LPP: variants seen among roughly 807,000 people sequenced by gnomAD.
LPP encodes lipoma-preferred partner.
In LPP, 38 loss-of-function variants were observed where a neutral mutation model predicts 60.4. The observed-to-expected ratio is 0.63, with a 90% confidence interval of 0.49 to 0.83. LPP has a LOEUF of 0.83. Among genes scored for constraint, LPP ranks in the 40% least tolerant of loss-of-function variants. The probability of loss-of-function intolerance (pLI) is 0.00; values close to 1 mark genes in which losing one functional copy is unlikely to be tolerated. For missense variants in LPP, 902 were observed against 783.6 expected (o/e 1.15, Z -1.80); for synonymous variants, 328 against 290.8 (o/e 1.13, Z -1.30).
At chr3:188,787,250 A>T (rs1742225850) in intron 9 of LPP, among the ~76,000 whole-genome samples, 1 of 151,040 alleles carries the variant, frequency 6.6e-6, no homozygotes, top group Non-Finnish European at 1.5e-5. Flanking sequence ...TCTCTACGTT[A>T]TTTCTTTCAA....
chr3:188,723,492 G>A (rs939531944), intron 8 of LPP, among the ~76,000 whole-genome samples: 7 of 152,212 alleles, frequency 4.6e-5, no homozygotes, highest in African/African-American at 1.7e-4. Context: ...TCAGAGACTG[G>A]ACCCTCTATT....
At chr3:188,667,268 GGAGATA>G (rs1224031130) in intron 7 of LPP, among the ~76,000 whole-genome samples, 1 of 151,998 alleles carries the variant, frequency 6.6e-6, no homozygotes, top group Non-Finnish European at 1.5e-5. Context: ...CACCAGGTCA[GGAGATA>G]GAGACCATCC....
In LPP at chr3:188,803,359, C is replaced by T. The variant is rs186165728; in HGVS notation, c.1410+43077C>T. 6.4e-3 allele frequency among the ~76,000 whole-genome samples: 971 copies of T among 152,200 alleles called. 4 individuals carry two copies. Among genetic ancestry groups the T allele is most frequent in the Non-Finnish European group, 0.011 (761 of 67,984 alleles). On this transcript the variant is annotated intron_variant, in intron 9 of 11. Transcript: ENST00000617246. ...GTTGTATATGCTTTTATGCAGTTTTCTTTTGTTCTGTTATGTTCATGAGGT... is the reference window on the plus strand; with the variant it reads ...GTTGTATATGCTTTTATGCAGTTTTTTTTTGTTCTGTTATGTTCATGAGGT...
At chr3:188,804,228 C>A (rs1748236244) in intron 9 of LPP, among the ~76,000 whole-genome samples, 1 of 72,816 alleles carries the variant, frequency 1.4e-5, no homozygotes, top group East Asian at 5.6e-4. Context: ...ATTATGTTTT[C>A]AATGTAGTGC....
chr3:188,601,116 G>A lies in LPP; in HGVS notation c.430-8045G>A, dbSNP rs113892961. Among the ~76,000 whole-genome samples, 775 of 152,002 alleles carry A rather than the reference G, an allele frequency of 5.1e-3. 6 individuals are homozygous for A. The highest frequency in any genetic ancestry group is 0.017 in the African/African-American group (716 of 41,460). On this transcript the variant is annotated intron_variant, in intron 6 of 11. Transcript: ENST00000617246. Reference sequence around the variant, plus strand: ...GCATTCCTGCTTTTAGTTATTTTAGGTATCTACCCAGAAGTTGAATTGCCA... The same window carrying A: ...GCATTCCTGCTTTTAGTTATTTTAGATATCTACCCAGAAGTTGAATTGCCA...
chr3:188,154,323 C>T (rs1715427485), intron 1 of LPP, among the ~76,000 whole-genome samples, 71 bp downstream of exon 1: 1 of 152,086 alleles, frequency 6.6e-6, no homozygotes. Flanking sequence ...AGCCCTCCCC[C>T]GGCGCGAGCG....
At chr3:188,309,488 C>T (rs1056809047) in intron 2 of LPP, among the ~76,000 whole-genome samples, 1 of 152,126 alleles carries the variant, frequency 6.6e-6, no homozygotes, top group African/African-American at 2.4e-5. Context: ...ATTGATGATC[C>T]CTGATTTCTC....
At chr3:188,325,736 T>G (rs1439402332) in intron 2 of LPP, among the ~76,000 whole-genome samples, 1 of 152,222 alleles carries the variant, frequency 6.6e-6, no homozygotes, top group East Asian at 1.9e-4. Context: ...TTCATTCTAT[T>G]TAGCTGATTA....
intron 2 of LPP, among the ~76,000 whole-genome samples, chr3:188,243,831 T>C (rs1005408141): frequency 2.6e-5 from 4 of 152,168 alleles, no homozygotes; most frequent in East Asian, 3.8e-4. Context: ...GACACTAATC[T>C]GAGTTCAGGT....
intron 3 of LPP, among the ~76,000 whole-genome samples, chr3:188,365,687 C>CTTCTT (rs1770914768): frequency 7.3e-6 from 1 of 137,546 alleles, no homozygotes; most frequent in Admixed American, 7.2e-5. Context: ...TTTTCTTCTT[C>CTTCTT]TTTTTTTTTT....
At chr3:188,627,174 C>T (rs188722364) in intron 7 of LPP, among the ~76,000 whole-genome samples, 54 of 152,242 alleles carry the variant, frequency 3.5e-4, no homozygotes, top group African/African-American at 1.3e-3. Context: ...AAGACTGTTA[C>T]CTACTTCTAC....
At chr3:188,511,503 T>A (rs1018649419) in intron 5 of LPP, among the ~76,000 whole-genome samples, 1 of 151,974 alleles carries the variant, frequency 6.6e-6, no homozygotes, top group African/African-American at 2.4e-5. Flanking sequence ...TTTTTGGTAA[T>A]CTAATAGGCC....
chr3:188,315,225 CTG>C (rs543718457), intron 2 of LPP, among the ~76,000 whole-genome samples: 137 of 152,064 alleles, frequency 9.0e-4, no homozygotes, highest in South Asian at 4.1e-4. Context: ...TTCATTTCCT[CTG>C]TATTTATGGT....
chr3:188,313,864 G>C (rs7649658), intron 2 of LPP, among the ~76,000 whole-genome samples: 27,799 of 151,786 alleles, frequency 0.18, 2,733 homozygotes, highest in East Asian at 0.34. Context: ...AGTTAATTTT[G>C]TAGATATTTT....
chr3:188,788,834 G>C (rs1044813322), intron 9 of LPP, among the ~76,000 whole-genome samples: 1 of 152,178 alleles, frequency 6.6e-6, no homozygotes, highest in Non-Finnish European at 1.5e-5. Context: ...AATCTTGCCA[G>C]CACTCATTTC....
rs1807264620 is a variant in LPP, at chr3:188,488,412, T to C, written c.306+3708T>C. ...TTGGAAAACAGGGGAAGGATTTGGT[T>C]TGCTTTTCTGTCAGGATCAACGTGA... On this transcript the variant is annotated intron_variant, in intron 5 of 11. Transcript: ENST00000617246. Among the ~76,000 whole-genome samples the C allele has an allele frequency of 5.9e-5, 9 of 152,250 alleles. No homozygotes were observed. The South Asian group carries it at 1.9e-3, about 32-fold the overall frequency.
At chr3:188,760,400 T>C in intron 9 of LPP, 118 bp downstream of exon 9, 1 of 887,776 alleles carries the variant, frequency 1.1e-6, no homozygotes, top group East Asian at 2.5e-5. Flanking sequence ...CTTCAAAATG[T>C]GTGTGTGGGG....
intron 2 of LPP, among the ~76,000 whole-genome samples, chr3:188,249,006 C>T (rs1640897118): frequency 6.6e-6 from 1 of 152,170 alleles, no homozygotes; most frequent in African/African-American, 2.4e-5. Flanking sequence ...TCTAGTTATA[C>T]ATCCACTGTG....
rs80005181 is a variant in LPP, at chr3:188,529,924, A to G, written c.429+5137A>G. ...CCACGTGTCAAAATTATTGGGAGATAAAATACAGGAATACCAACATTGTAC... is the reference window on the plus strand; with the variant it reads ...CCACGTGTCAAAATTATTGGGAGATGAAATACAGGAATACCAACATTGTAC... On this transcript the variant is annotated intron_variant, in intron 6 of 11. Coordinates refer to ENST00000617246, the MANE Select transcript of LPP (RefSeq NM_001375462.1). Among the ~76,000 whole-genome samples the G allele has an allele frequency of 5.4e-4, 82 of 152,350 alleles. 1 individual carries two copies. In the East Asian group the frequency reaches 0.016, roughly 29 times the overall value.
Sources: gnomAD v4.1 joint callset for allele counts (sites outside exome capture counted in the v4.1 genomes callset) on GRCh38, gnomAD v4.1.1 for gene constraint, MANE v1.5 for transcripts, NCBI Gene and HGNC (gene_info 2026-07-23, HGNC 2026-07-21) for gene names.